The following NEMP2 variants were observed in gnomAD, a reference collection of about 807,000 sequenced individuals.
NEMP2 encodes UPF0571 transmembrane protein.
A neutral mutation model predicts 54.2 loss-of-function variants in NEMP2; 53 were observed. That is an observed-to-expected ratio of 0.98 (90% confidence interval 0.78 to 1.23). NEMP2 has a LOEUF of 1.23. Among genes scored for constraint, NEMP2 ranks in the 50% most tolerant of loss-of-function variants. The probability of loss-of-function intolerance (pLI) is 0.00; values close to 1 mark genes in which losing one functional copy is unlikely to be tolerated. For missense variants in NEMP2, 455 were observed against 511.3 expected (o/e 0.89, Z 1.06); for synonymous variants, 197 against 190.3 (o/e 1.04, Z -0.29).
chr2:190,446,214 T>C, the NEMP2 span, among the ~76,000 whole-genome samples: 1 of 152,200 alleles, frequency 6.6e-6, no homozygotes, highest in Non-Finnish European at 1.5e-5. Flanking sequence ...CTGAACTTTA[T>C]CTGAGTTTTA....
chr2:190,607,804 C>T, the NEMP2 span: 1 of 152,146 alleles, frequency 6.6e-6, no homozygotes, highest in African/African-American at 2.4e-5. The surrounding 1 kb of genome is among the most constrained non-coding windows in gnomAD (Gnocchi z 5.2). Context: ...TTTTGAAGTA[C>T]AATCTATTTT....
chr2:190,647,253 T>C, the NEMP2 span, among the ~76,000 whole-genome samples: 1 of 152,342 alleles, frequency 6.6e-6, no homozygotes, highest in Non-Finnish European at 1.5e-5. Context: ...AAGAAAAAGA[T>C]TTAACTTTAA....
the NEMP2 span, among the ~76,000 whole-genome samples, chr2:190,479,442 A>T: frequency 6.6e-6 from 1 of 152,196 alleles, no homozygotes; most frequent in Non-Finnish European, 1.5e-5. Flanking sequence ...GGTGGTGGTG[A>T]ATAGTTTATA....
chr2:190,490,799 T>C, the NEMP2 span, among the ~76,000 whole-genome samples: 2 of 152,226 alleles, frequency 1.3e-5, no homozygotes, highest in Admixed American at 6.5e-5. The surrounding 1 kb of genome is among the most constrained non-coding windows in gnomAD (Gnocchi z 4.5). Context: ...GGGTGTCCTA[T>C]CCTTTGCGGA....
chr2:190,460,850 A>T, the NEMP2 span, among the ~76,000 whole-genome samples: 1 of 152,198 alleles, frequency 6.6e-6, no homozygotes, highest in African/African-American at 2.4e-5. Context: ...AGACAAGGTG[A>T]CAAGGAAAGA....
At chr2:190,437,224 G>T in the NEMP2 span, 5 of 1,614,088 alleles carry the variant, frequency 3.1e-6, no homozygotes, top group African/African-American at 5.3e-5. This position sits in a 1 kb window ranked among gnomAD's most constrained non-coding sequence, Gnocchi z 5.9. Flanking sequence ...TTTCAAAAAC[G>T]ATGATTCTAA....
chr2:190,524,988 C>T (rs1194511086), intron 2 of NEMP2, among the ~76,000 whole-genome samples: 1 of 152,206 alleles, frequency 6.6e-6, no homozygotes, highest in Non-Finnish European at 1.5e-5. Context: ...TGTCTTAAGA[C>T]TGCCTGAACA....
chr2:190,581,893 A>G, the NEMP2 span, among the ~76,000 whole-genome samples: 1 of 152,168 alleles, frequency 6.6e-6, no homozygotes, highest in Non-Finnish European at 1.5e-5. Context: ...GTAACTTGAA[A>G]TTGGCCATGA....
At chr2:190,444,619 T>G in the NEMP2 span, among the ~76,000 whole-genome samples, 4 of 152,184 alleles carry the variant, frequency 2.6e-5, no homozygotes, top group Non-Finnish European at 1.5e-5. Flanking sequence ...TTGTTTGTGT[T>G]TTTCATTTAT....
chr2:190,638,679 G>C, the NEMP2 span, among the ~76,000 whole-genome samples: 3 of 152,200 alleles, frequency 2.0e-5, no homozygotes, highest in South Asian at 6.2e-4. This position sits in a 1 kb window ranked among gnomAD's most constrained non-coding sequence, Gnocchi z 5.7. Flanking sequence ...AGCCATCACT[G>C]GTGGTTTGAT....
At chr2:190,583,742 T>C in the NEMP2 span, among the ~76,000 whole-genome samples, 1 of 152,196 alleles carries the variant, frequency 6.6e-6, no homozygotes, top group East Asian at 1.9e-4. Context: ...TACAGTGTAT[T>C]GATGTTGGAC....
chr2:190,432,829 A>AACAC, the NEMP2 span, among the ~76,000 whole-genome samples: 1 of 110,206 alleles, frequency 9.1e-6, no homozygotes, highest in Admixed American at 7.9e-5. Flanking sequence ...CCCGCCCCCC[A>AACAC]ACACACACAC....
chr2:190,547,724 T>C, the NEMP2 span, among the ~76,000 whole-genome samples: 122 of 152,124 alleles, frequency 8.0e-4, no homozygotes, highest in African/African-American at 2.9e-3. The surrounding 1 kb of genome is among the most constrained non-coding windows in gnomAD (Gnocchi z 6.2). Flanking sequence ...TTAGTAGTGA[T>C]GGGGTTTCAT....
intron 3 of NEMP2, 24 bp downstream of exon 3, chr2:190,518,928 C>A: frequency 6.5e-7 from 1 of 1,535,572 alleles, no homozygotes; most frequent in South Asian, 1.2e-5. Flanking sequence ...TCCAGAAAGT[C>A]AAGTATAATA....
At chr2:190,511,490 A>G (rs1015708440) in intron 7 of NEMP2, among the ~76,000 whole-genome samples, 4 of 151,998 alleles carry the variant, frequency 2.6e-5, no homozygotes, top group Admixed American at 6.5e-5. Context: ...GACTCTCATA[A>G]AAATAGTAAC....
the NEMP2 span, among the ~76,000 whole-genome samples, chr2:190,476,112 G>C: frequency 6.6e-6 from 1 of 152,216 alleles, no homozygotes; most frequent in Non-Finnish European, 1.5e-5. Flanking sequence ...AAAAACCCTA[G>C]AAGAAAACCT....
chr2:190,490,115 A>G, the NEMP2 span, among the ~76,000 whole-genome samples: 1 of 152,160 alleles, frequency 6.6e-6, no homozygotes, highest in South Asian at 2.1e-4. This position sits in a 1 kb window ranked among gnomAD's most constrained non-coding sequence, Gnocchi z 4.5. Context: ...TTATAATACA[A>G]GGTACTAGGG....
At chr2:190,500,446 G>A (rs1224971679), downstream of NEMP2, 5 of 548,240 alleles carry the variant, frequency 9.1e-6, no homozygotes, top group African/African-American at 9.4e-5. The surrounding 1 kb of genome is among the most constrained non-coding windows in gnomAD (Gnocchi z 5.3). Context: ...GGGAAATGGA[G>A]TTCAATGAGG....
At chr2:190,424,795 G>T in the NEMP2 span, among the ~76,000 whole-genome samples, 7 of 152,160 alleles carry the variant, frequency 4.6e-5, no homozygotes, top group Non-Finnish European at 7.3e-5. This position sits in a 1 kb window ranked among gnomAD's most constrained non-coding sequence, Gnocchi z 5.9. Context: ...ATTGATCTAT[G>T]TGTCTGTCCT....
Sources: gnomAD v4.1 joint callset for allele counts (sites outside exome capture counted in the v4.1 genomes callset) on GRCh38, gnomAD v4.1.1 for gene constraint, Gnocchi (gnomAD v3.1) non-coding constraint, MANE v1.5 for transcripts, NCBI Gene and HGNC (gene_info 2026-07-23, HGNC 2026-07-21) for gene names.